Variants in CDKL5 observed in about 807,000 individuals in gnomAD.
CDKL5 encodes the protein cyclin-dependent kinase-like 5.
CDKL5 carries 8 observed loss-of-function variants against 61.7 expected under a neutral mutation model. The observed-to-expected ratio is 0.13, with a 90% CI of 0.08 to 0.23. The LOEUF (loss-of-function observed/expected upper bound fraction) is 0.23. Ranked by LOEUF, CDKL5 falls within the 10% of genes least tolerant of loss-of-function variation. The probability of loss-of-function intolerance (pLI) is 1.00; values close to 1 mark genes in which losing one functional copy is unlikely to be tolerated. For missense variants in CDKL5, 440 were observed against 734.5 expected, an observed-to-expected ratio of 0.60 and a Z score of 4.63; for synonymous variants, 275 against 272.3, an observed-to-expected ratio of 1.01 and a Z score of -0.10.
intron 1 of CDKL5, among the ~76,000 whole-genome samples, chrX:18,473,372 G>C (rs1921174099): frequency 2.7e-5 from 3 of 111,131 alleles, no homozygotes; most frequent in African/African-American, 9.8e-5. Flanking sequence ...TTGGCTTCTA[G>C]TATCTGTTCA....
chrX:18,576,203 C>T (rs1252774518), intron 5 of CDKL5, among the ~76,000 whole-genome samples: 1 of 111,176 alleles, frequency 9.0e-6, no homozygotes, highest in South Asian at 3.8e-4. Context: ...CTGAGGCAGG[C>T]GGATCGCTTG....
At chrX:18,644,502 C>G (rs1342574819), downstream of CDKL5, 12 of 1,209,713 alleles carry the variant, frequency 9.9e-6, no homozygotes, top group Non-Finnish European at 1.1e-5. Flanking sequence ...GCACGCTGTA[C>G]TTGGTCATCC....
intron 6 of CDKL5, among the ~76,000 whole-genome samples, chrX:18,581,005 C>T (rs1177103239): frequency 5.4e-5 from 6 of 111,350 alleles, no homozygotes; most frequent in Non-Finnish European, 1.1e-4. Flanking sequence ...GGTAATGATT[C>T]TAGTAACAGT....
In CDKL5 at chrX:18,630,991, C is replaced by T. The variant is rs761379971; in HGVS notation, c.*2234C>T. On this transcript the variant is annotated 3_prime_UTR_variant, in exon 18 of 18. Transcript: ENST00000623535. Reference sequence around the variant, plus strand: ...CCCCCCTTGCAAACCAGAAACTACACTTTTTTTCTCTGGAAAGACTTCTCA... The same window carrying T: ...CCCCCCTTGCAAACCAGAAACTACATTTTTTTTCTCTGGAAAGACTTCTCA... 4 of 745,248 alleles carry T rather than the reference C, an allele frequency of 5.4e-6. No individual in the cohort carries two copies. The African/African-American group carries it at 9.8e-5, about 18-fold the overall frequency. 61.4% of individuals were successfully genotyped at this position (745,248 alleles called of 1,213,427 possible). A position where few individuals can be genotyped will look rare whatever the true frequency, so the allele number is the denominator to read the frequency against.
At chrX:18,426,670 T>C (rs1457570139) in intron 1 of CDKL5, 2 of 112,649 alleles carry the variant, frequency 1.8e-5, no homozygotes, top group African/African-American at 3.2e-5. Context: ...TTAGAAAGTA[T>C]TGTTGACACC....
rs180673506 is a variant in CDKL5, at chrX:18,435,734, T to G, written c.-163+10039T>G. 8.5e-3 allele frequency among the ~76,000 whole-genome samples: 946 copies of G among 111,114 alleles called. 10 individuals carry two copies. The highest frequency in any genetic ancestry group is 0.029 in the African/African-American group (880 of 30,505). ...GGTGCGTGCCTCCACACCTGGCTAA[T>G]TTTTGTATTTTCAGTAGAGACGGGG... On this transcript the variant is annotated intron_variant, in intron 1 of 17. Coordinates refer to ENST00000623535, the MANE Select transcript of CDKL5 (RefSeq NM_001323289.2).
chrX:18,443,639 G>C (rs1166274038), intron 1 of CDKL5, among the ~76,000 whole-genome samples: 1 of 111,400 alleles, frequency 9.0e-6, no homozygotes, highest in Non-Finnish European at 1.9e-5. Flanking sequence ...ATGTCTTAGG[G>C]GTTTGTTGTA....
intron 1 of CDKL5, among the ~76,000 whole-genome samples, chrX:18,432,806 A>G (rs1387017042): frequency 9.0e-6 from 1 of 110,781 alleles, no homozygotes; most frequent in Non-Finnish European, 1.9e-5. Context: ...GGGTTCTCAC[A>G]GTTTTGCTCA....
At chrX:18,509,123 CACACAG>C (rs1251669478) in intron 2 of CDKL5, among the ~76,000 whole-genome samples, 1 of 96,837 alleles carries the variant, frequency 1.0e-5, no homozygotes, top group Non-Finnish European at 2.1e-5. Flanking sequence ...CACACACACA[CACACAG>C]GTTGCAGTGA....
chrX:18,430,307 C>T (rs1931454541), intron 1 of CDKL5, among the ~76,000 whole-genome samples: 1 of 112,316 alleles, frequency 8.9e-6, no homozygotes, highest in Admixed American at 9.5e-5. Context: ...CGAAGATACT[C>T]CTTGAATTCA....
In CDKL5 at chrX:18,608,898, C is replaced by T. The variant is rs753899592; in HGVS notation, c.2032C>T (p.Arg678Cys). The change falls in exon 13 of 18, where the codon CGC becomes TGC. Residue 678 changes from arginine (R) to cysteine (C), a missense_variant. Arg to Cys is a radical substitution (Grantham distance 180). Around this residue, in one of 2 missense-constraint regions of CDKL5, gnomAD observed 363 missense variants for 516.3 expected, o/e 0.70. Transcript: ENST00000623535. ...SREGTSSFHT[R>C]QKSEGGVYHD... The stretch of plus-strand genomic sequence containing the variant: ...AGAAGGCACCTCTTCCTTCCATACA[C>T]GCCAGAAGTCTGAGGTATGTCACAA... 17 of 1,175,347 alleles carry T rather than the reference C, an allele frequency of 1.4e-5. No homozygotes were observed. The highest frequency in any genetic ancestry group is 1.8e-5 in the South Asian group (1 of 55,978).
intron 1 of CDKL5, among the ~76,000 whole-genome samples, chrX:18,449,102 G>A (rs1007261010): frequency 8.9e-6 from 1 of 111,816 alleles, no homozygotes; most frequent in South Asian, 3.7e-4. Context: ...TGACCCACCC[G>A]CCTTGGCCTC....
At chrX:18,460,272 G>A (rs755134306) in intron 1 of CDKL5, among the ~76,000 whole-genome samples, 9 of 110,892 alleles carry the variant, frequency 8.1e-5, no homozygotes, top group African/African-American at 3.3e-5. Context: ...GCGGGGTGCC[G>A]TAGGGGGGAC....
At chrX:18,644,587 C>G (rs1927704100), downstream of CDKL5, 1 of 1,209,718 alleles carries the variant, frequency 8.3e-7, no homozygotes, top group Admixed American at 2.2e-5. Flanking sequence ...TATCTGTAAC[C>G]ACTGGCTACT....
At chrX:18,463,358 G>T (rs1488444012) in intron 1 of CDKL5, among the ~76,000 whole-genome samples, 1 of 111,939 alleles carries the variant, frequency 8.9e-6, no homozygotes, top group Non-Finnish European at 1.9e-5. Flanking sequence ...TGAGGGGACA[G>T]TGAAGAAGAA....
chrX:18,617,338 GTC>G (rs774236267), intron 15 of CDKL5, among the ~76,000 whole-genome samples: 1 of 111,766 alleles, frequency 8.9e-6, no homozygotes, highest in South Asian at 3.8e-4. Flanking sequence ...CAAAGCTTCT[GTC>G]TCTGAGATTG....
In CDKL5 at chrX:18,537,832, C is replaced by T. The variant is rs185860270; in HGVS notation, c.100-26645C>T. 4.4e-3 allele frequency among the ~76,000 whole-genome samples: 491 copies of T among 112,273 alleles called. 2 individuals carry two copies. The Middle Eastern group carries it at 0.047, about 11-fold the overall frequency. ...ATTCACCCAAGTTTTTTGTGTGAAC[C>T]AATAGTTTGCTCTTTTTTATTGCTC... On this transcript the variant is annotated intron_variant, in intron 3 of 17. Transcript: ENST00000623535.
At chrX:18,504,862 G>A (rs1055865061) in intron 1 of CDKL5, among the ~76,000 whole-genome samples, 8 of 107,303 alleles carry the variant, frequency 7.5e-5, no homozygotes, top group African/African-American at 2.4e-4. Flanking sequence ...GAACCCGGGA[G>A]GCGGAGCTTG....
chrX:18,536,432 G>GTTTTTTTTTT (rs746308567), intron 3 of CDKL5, among the ~76,000 whole-genome samples: 1 of 40,543 alleles, frequency 2.5e-5, no homozygotes, highest in East Asian at 1.1e-3. Context: ...TTCAATACAG[G>GTTTTTTTTTT]TTTTTTTTTT....
Sources: allele counts gnomAD v4.1 joint callset (sites outside exome capture counted in the v4.1 genomes callset), GRCh38; gene constraint gnomAD v4.1.1; regional missense constraint gnomAD v4.1.1; transcripts MANE v1.5; gene names NCBI Gene and HGNC (gene_info 2026-07-23, HGNC 2026-07-21).